Variants in DLGAP2 observed in about 807,000 individuals in gnomAD.
The protein encoded by DLGAP2 is disks large-associated protein 2.
DLGAP2 carries 26 observed loss-of-function variants against 100.3 expected under a neutral mutation model. The observed-to-expected ratio is 0.26, with a 90% confidence interval of 0.19 to 0.36. The LOEUF (loss-of-function observed/expected upper bound fraction) is 0.36, where lower values mean the gene tolerates loss of function less well. Among genes scored for constraint, DLGAP2 ranks in the 10% least tolerant of loss-of-function variants. DLGAP2 has a pLI of 1.00. For missense variants in DLGAP2, 1,858 were observed against 1,453.2 expected (o/e 1.28, Z -4.53); for synonymous variants, 886 against 630.1 (o/e 1.41, Z -6.08).
intron 1 of DLGAP2, among the ~76,000 whole-genome samples, chr8:861,212 A>G (rs567408756): frequency 1.3e-5 from 2 of 152,332 alleles, no homozygotes; most frequent in South Asian, 4.1e-4. Context: ...ACAGTATAAC[A>G]ACTATTGACA....
At chr8:933,085 G>A (rs1798994884) in intron 2 of DLGAP2, among the ~76,000 whole-genome samples, 1 of 152,224 alleles carries the variant, frequency 6.6e-6, no homozygotes, top group African/African-American at 2.4e-5. Context: ...TTCCGATCCT[G>A]TCCCCGTCCG....
intron 2 of DLGAP2, among the ~76,000 whole-genome samples, chr8:974,286 C>G (rs139679784): frequency 3.4e-4 from 52 of 152,146 alleles, no homozygotes; most frequent in Non-Finnish European, 6.8e-4. Context: ...AAATGGCTCA[C>G]GTACAGAGGG....
intron 1 of DLGAP2, among the ~76,000 whole-genome samples, chr8:756,313 A>G (rs1009376301): frequency 7.2e-5 from 11 of 152,038 alleles, no homozygotes; most frequent in African/African-American, 2.7e-4. Flanking sequence ...AGGTGTGGGC[A>G]GGTTGGGGCT....
intron 2 of DLGAP2, among the ~76,000 whole-genome samples, chr8:921,872 G>A (rs557664535): frequency 4.6e-5 from 7 of 152,392 alleles, no homozygotes; most frequent in Admixed American, 6.5e-5. Flanking sequence ...CTCTGAGAAC[G>A]TGCATCTTCC....
chr8:1,453,694 G>T (rs1426554220), intron 3 of DLGAP2, among the ~76,000 whole-genome samples: 1 of 152,148 alleles, frequency 6.6e-6, no homozygotes, highest in Non-Finnish European at 1.5e-5. Flanking sequence ...TGAGAAGCGG[G>T]AGAATCCGCC....
intron 2 of DLGAP2, among the ~76,000 whole-genome samples, chr8:1,254,292 A>G (rs1237924666): frequency 1.3e-5 from 2 of 152,200 alleles, no homozygotes; most frequent in African/African-American, 2.4e-5. Context: ...CTCTGTCCCC[A>G]TCATGTGACC....
chr8:1,638,540 G>A (rs958687882), intron 8 of DLGAP2, among the ~76,000 whole-genome samples: 7 of 152,148 alleles, frequency 4.6e-5, no homozygotes, highest in South Asian at 2.1e-4. Flanking sequence ...CGGCCCGGCC[G>A]TACTGCAGAA....
intron 1 of DLGAP2, among the ~76,000 whole-genome samples, chr8:869,350 C>T (rs1797555940): frequency 6.6e-6 from 1 of 152,176 alleles, no homozygotes; most frequent in Admixed American, 6.5e-5. Context: ...GTCACGCCCT[C>T]CCTGTCAGAT....
intron 2 of DLGAP2, among the ~76,000 whole-genome samples, chr8:1,253,468 AAT>A (rs1449437601): frequency 2.0e-5 from 3 of 152,228 alleles, no homozygotes; most frequent in Non-Finnish European, 2.9e-5. Flanking sequence ...CCTCTCCAAA[AAT>A]ATGTGCATAA....
Position 1,176,301 on chromosome 8 carries a change from T to C in DLGAP2, c.74-82550T>C, listed in dbSNP as rs533553252. On this transcript the variant is annotated intron_variant, in intron 2 of 14. Transcript: ENST00000637795. ...AGCATGGGGAAAACCGTCCCTGTGA[T>C]CCAGACACTTTCCTCAGGTTCCTCG... Among the ~76,000 whole-genome samples the C allele has an allele frequency of 3.3e-5, 5 of 152,230 alleles. No homozygotes were observed. In the East Asian group the frequency reaches 5.8e-4, roughly 18 times the overall value.
chr8:1,658,888 G>C (rs1289526809), intron 8 of DLGAP2, among the ~76,000 whole-genome samples: 2 of 152,162 alleles, frequency 1.3e-5, no homozygotes, highest in Admixed American at 6.5e-5. Flanking sequence ...GAGTTTGTTT[G>C]ATCTTGCTAC....
At chr8:950,668 C>T (rs569141394) in intron 2 of DLGAP2, among the ~76,000 whole-genome samples, 2 of 143,632 alleles carry the variant, frequency 1.4e-5, no homozygotes, top group East Asian at 4.1e-4. Flanking sequence ...GTCACCCAGG[C>T]TGGAGTGTAG....
chr8:1,383,084 C>T (rs994624905), intron 3 of DLGAP2, among the ~76,000 whole-genome samples: 23 of 152,186 alleles, frequency 1.5e-4, no homozygotes, highest in African/African-American at 7.2e-5. Flanking sequence ...GGATGTGCAT[C>T]GCCACGTGGG....
At chr8:1,024,059 G>A (rs1172666046) in intron 2 of DLGAP2, among the ~76,000 whole-genome samples, 1 of 151,996 alleles carries the variant, frequency 6.6e-6, no homozygotes, top group Non-Finnish European at 1.5e-5. Flanking sequence ...GGTGTGGGGT[G>A]TTTCAGACCT....
intron 2 of DLGAP2, among the ~76,000 whole-genome samples, chr8:1,178,119 C>G (rs1797302105): frequency 6.6e-6 from 1 of 152,190 alleles, no homozygotes; most frequent in Non-Finnish European, 1.5e-5. Flanking sequence ...CCCCAGAATC[C>G]AAGGCCTTGG....
At chr8:1,068,698 A>C (rs1168124750) in intron 2 of DLGAP2, among the ~76,000 whole-genome samples, 2 of 151,790 alleles carry the variant, frequency 1.3e-5, no homozygotes, top group African/African-American at 4.8e-5. Flanking sequence ...CATGTGGGAC[A>C]GAGGGAGGGA....
At chr8:801,139 G>C (rs965757375) in intron 1 of DLGAP2, among the ~76,000 whole-genome samples, 1 of 152,230 alleles carries the variant, frequency 6.6e-6, no homozygotes, top group African/African-American at 2.4e-5. Flanking sequence ...CGAAGGCGTT[G>C]TGCCTGCGTG....
At chr8:1,454,740 G>A (rs1378888885) in intron 3 of DLGAP2, among the ~76,000 whole-genome samples, 1 of 152,182 alleles carries the variant, frequency 6.6e-6, no homozygotes, top group Non-Finnish European at 1.5e-5. Flanking sequence ...TCAAGGTCAT[G>A]AGCAGCATCC....
chr8:1,495,855 C>T (rs530806131), intron 3 of DLGAP2, among the ~76,000 whole-genome samples: 3 of 152,284 alleles, frequency 2.0e-5, no homozygotes, highest in Non-Finnish European at 2.9e-5. Flanking sequence ...TTAAATAGCG[C>T]GTGTCCATCT....
Sources: gnomAD v4.1 joint callset for allele counts (sites outside exome capture counted in the v4.1 genomes callset) on GRCh38, gnomAD v4.1.1 for gene constraint, MANE v1.5 for transcripts, NCBI Gene and HGNC (gene_info 2026-07-23, HGNC 2026-07-21) for gene names.